Variants in STIP1 observed in about 807,000 individuals in gnomAD.
The protein encoded by STIP1 is stress induced phosphoprotein 1, also known as stress-induced-phosphoprotein 1.
STIP1 carries 16 observed loss-of-function variants against 77.4 expected under a neutral mutation model. The observed-to-expected ratio is 0.21, with a 90% confidence interval of 0.14 to 0.31. The LOEUF is 0.31. Ranked by LOEUF, STIP1 falls within the 10% of genes least tolerant of loss-of-function variation. The pLI is 1.00. For synonymous variants in STIP1, 258 were observed against 246.6 expected, an observed-to-expected ratio of 1.05 and a Z score of -0.44; for missense variants, 524 against 684.8, an observed-to-expected ratio of 0.77 and a Z score of 2.62.
rs751421552 is a variant in STIP1 at position 64,203,221 on chromosome 11, G to C, written c.1379G>C (p.Ser460Thr). The C allele has an allele frequency of 3.1e-6, 5 of 1,613,888 alleles. No individual in the cohort carries two copies. The South Asian group carries it at 4.4e-5, about 14-fold the overall frequency. Residue 460 changes from serine (S) to threonine (T), a missense_variant, in exon 12 of 14, where the codon AGC (serine) becomes ACC (threonine). Physicochemically the swap from Ser to Thr is moderately conservative, Grantham distance 58 (BLOSUM62 1). Coordinates refer to ENST00000305218, the MANE Select transcript of STIP1 (RefSeq NM_006819.3). ...VYQKALDLDS[S>T]CKEAADGYQR... ...CAGAAGGCGCTAGACCTGGACTCCA[G>C]CTGTAAGGTGGGGCTGCTTCTGGCC...
intron 8 of STIP1, among the ~76,000 whole-genome samples, chr11:64,199,307 A>T (rs1425731753): frequency 3.8e-4 from 57 of 151,666 alleles, no homozygotes. Flanking sequence ...GATCGAGACC[A>T]TCCTGGCTAA....
At chr11:64,200,120 A>G in intron 9 of STIP1, 49 bp from the exon 10 acceptor site, 1 of 1,611,458 alleles carries the variant, frequency 6.2e-7, no homozygotes, top group South Asian at 1.1e-5. Flanking sequence ...CCGGCTACAC[A>G]TGGGGGCTTT....
chr11:64,191,187 C>CAAA (rs756671182), intron 1 of STIP1, among the ~76,000 whole-genome samples: 1 of 73,452 alleles, frequency 1.4e-5, no homozygotes, highest in Admixed American at 1.6e-4. Flanking sequence ...AACTCTGTCT[C>CAAA]AAAAAAAAAA....
Position 64,195,735 on chromosome 11 carries a change from ACCT to A in STIP1, c.597_599del (p.Pro205del), listed in dbSNP as rs1565280523. 1 of 1,613,956 alleles carries A rather than the reference ACCT, an allele frequency of 6.2e-7. No individual in the cohort carries two copies. On this transcript the variant is annotated inframe_deletion, in exon 5 of 14. Coordinates refer to ENST00000305218, the MANE Select transcript of STIP1 (RefSeq NM_006819.3). ...TGGATGAGGAGGAAGAGATTGCAACACCTCCACCACCACCCCCTCCCAAAAAGG... is the reference window on the plus strand; with the variant it reads ...TGGATGAGGAGGAAGAGATTGCAACACCACCACCACCCCCTCCCAAAAAGG...
rs1946124661 is a variant in STIP1, at chr11:64,194,346, A to G, written c.361+16A>G. ...AGGTTGGCAGGTAGGTACCACGCAC[A>G]GTTTTCTTTCTTATTATTAATGTGA... On this transcript the variant is annotated intron_variant, in intron 3 of 13. Coordinates refer to ENST00000305218, the MANE Select transcript of STIP1 (RefSeq NM_006819.3). The G allele has an allele frequency of 6.2e-7, 1 of 1,612,288 alleles. No homozygotes were observed. Among genetic ancestry groups the G allele is most frequent in the Non-Finnish European group, 8.5e-7 (1 of 1,179,510 alleles).
intron 1 of STIP1, 105 bp from the exon 2 acceptor site, chr11:64,192,973 C>A: frequency 9.5e-7 from 1 of 1,056,678 alleles, no homozygotes; most frequent in South Asian, 1.4e-5. Flanking sequence ...TCTGTAAAGT[C>A]ACCTATTTAT....
intron 10 of STIP1, 31 bp from the exon 11 acceptor site, chr11:64,202,845 A>T (rs1171916751): frequency 6.2e-7 from 1 of 1,613,946 alleles, no homozygotes; most frequent in African/African-American, 1.3e-5. Context: ...CAAGGGAATG[A>T]GCCTAATTTC....
intron 1 of STIP1, among the ~76,000 whole-genome samples, chr11:64,186,714 A>T (rs1007147105): frequency 6.6e-6 from 1 of 152,216 alleles, no homozygotes; most frequent in African/African-American, 2.4e-5. Flanking sequence ...ACCGCTCGGG[A>T]CTTAGCCACG....
chr11:64,197,145 C>G, intron 5 of STIP1, 126 bp from the exon 6 acceptor site: 9 of 1,224,930 alleles, frequency 7.3e-6, no homozygotes, highest in Non-Finnish European at 1.0e-5. Context: ...GATGAAGAGG[C>G]CTTCAGGAGA....
intron 8 of STIP1, 83 bp downstream of exon 8, chr11:64,198,057 C>A (rs1946170652): frequency 3.5e-6 from 5 of 1,438,580 alleles, no homozygotes; most frequent in Non-Finnish European, 4.6e-6. Flanking sequence ...TAATAATGAA[C>A]TTGACTTTTT....
chr11:64,187,510 G>C (rs537431340), intron 1 of STIP1, among the ~76,000 whole-genome samples: 1 of 152,172 alleles, frequency 6.6e-6, no homozygotes, highest in Non-Finnish European at 1.5e-5. Flanking sequence ...GTGAGCTACA[G>C]AGCTGAGCCT....
Position 64,186,658 on chromosome 11 carries a change from A to C in STIP1, c.9+388A>C, listed in dbSNP as rs578023539. ...AGGTGGGCCGGGGGCCGGGGTCCGCACCCGCGAGGTAGCCCTCCGGGAGAT... is the reference window on the plus strand; with the variant it reads ...AGGTGGGCCGGGGGCCGGGGTCCGCCCCCGCGAGGTAGCCCTCCGGGAGAT... On this transcript the variant is annotated intron_variant, in intron 1 of 13. Coordinates refer to ENST00000305218, the MANE Select transcript of STIP1 (RefSeq NM_006819.3). 2.1e-3 allele frequency: 381 copies of C among 179,154 alleles called. 2 individuals carry two copies. The highest frequency in any genetic ancestry group is 0.011 in the South Asian group (56 of 5,150). 11.1% of individuals were successfully genotyped at this position (179,154 alleles called of 1,614,324 possible).
chr11:64,198,062 C>CG (rs1946170837), intron 8 of STIP1, 88 bp downstream of exon 8: 2 of 1,300,160 alleles, frequency 1.5e-6, no homozygotes, highest in African/African-American at 1.6e-5. Flanking sequence ...ATGAACTTGA[C>CG]TTTTTTTTTT....
intron 4 of STIP1, among the ~76,000 whole-genome samples, chr11:64,195,031 T>C (rs946051512): frequency 6.6e-6 from 1 of 152,216 alleles, no homozygotes; most frequent in African/African-American, 2.4e-5. Flanking sequence ...TACGGAAGTA[T>C]ACCTAAAACA....
chr11:64,194,280 A>G lies in STIP1; in HGVS notation c.311A>G (p.Asn104Ser). ...TYEEGLKHEA[N>S]NPQLKEGLQN... ...GAGGAGGGCTTAAAACACGAGGCAA[A>G]TAACCCTCAACTGAAAGAGGGTTTA... Residue 104 changes from asparagine to serine, a missense_variant, in exon 3 of 14, where the codon AAT becomes AGT. By Grantham distance (46) the Asn-to-Ser change is conservative. Coordinates refer to ENST00000305218, the MANE Select transcript of STIP1 (RefSeq NM_006819.3). 1 of 1,614,234 alleles carries G rather than the reference A, an allele frequency of 6.2e-7. No individual in the cohort carries two copies. Among genetic ancestry groups the G allele is most frequent in the Non-Finnish European group, 8.5e-7 (1 of 1,180,038 alleles).
intron 1 of STIP1, among the ~76,000 whole-genome samples, chr11:64,190,535 G>A (rs1479592326): frequency 1.3e-5 from 2 of 152,082 alleles, no homozygotes; most frequent in Admixed American, 6.6e-5. Context: ...GGCTGGTCTC[G>A]AACTCCTGAC....
intron 10 of STIP1, among the ~76,000 whole-genome samples, chr11:64,201,369 T>C (rs1369600938): frequency 2.6e-5 from 4 of 152,218 alleles, no homozygotes; most frequent in Non-Finnish European, 5.9e-5. Flanking sequence ...AACCACCATA[T>C]GTTTTTCAGC....
chr11:64,203,030 A>T (rs939664354), intron 11 of STIP1, 95 bp from the exon 12 acceptor site: 4 of 1,591,872 alleles, frequency 2.5e-6, no homozygotes, highest in Admixed American at 3.3e-5. Context: ...ATCCAACATC[A>T]GCAGGTGTGA....
chr11:64,203,771 C>G, intron 13 of STIP1, 149 bp downstream of exon 13: 2 of 1,092,404 alleles, frequency 1.8e-6, no homozygotes, highest in Non-Finnish European at 2.6e-6. Flanking sequence ...CAGTGGGTGG[C>G]GAGCTGGAAG....
Sources: gnomAD v4.1 joint callset for allele counts (sites outside exome capture counted in the v4.1 genomes callset) on GRCh38, gnomAD v4.1.1 for gene constraint, MANE v1.5 for transcripts, NCBI Gene and HGNC (gene_info 2026-07-23, HGNC 2026-07-21) for gene names.